The following ARSB variants were observed in gnomAD, a reference collection of about 807,000 sequenced individuals.
ARSB encodes arylsulfatase B.
Under a neutral mutation model 50.9 loss-of-function variants are expected in ARSB, and 41 were observed. That is an observed-to-expected ratio of 0.81 (90% confidence interval 0.63 to 1.04). ARSB has a LOEUF of 1.04. ARSB is among the 50% of genes least tolerant of loss of function. The probability of loss-of-function intolerance (pLI) is 0.00; values close to 1 mark genes in which losing one functional copy is unlikely to be tolerated. For missense variants in ARSB, 672 were observed against 693.3 expected (o/e 0.97, Z 0.35); for synonymous variants, 269 against 284.8 (o/e 0.94, Z 0.56).
At chr5:78,899,587 C>T (rs968010215) in intron 4 of ARSB, among the ~76,000 whole-genome samples, 3 of 152,112 alleles carry the variant, frequency 2.0e-5, no homozygotes, top group Non-Finnish European at 4.4e-5. Context: ...CTTTCCTCTG[C>T]TTGGCTCACT....
intron 4 of ARSB, among the ~76,000 whole-genome samples, chr5:78,909,872 TG>T: frequency 6.6e-6 from 1 of 152,244 alleles, no homozygotes; most frequent in South Asian, 2.1e-4. Context: ...TGCCTGCCCC[TG>T]GGAACTGAAT....
intron 5 of ARSB, among the ~76,000 whole-genome samples, chr5:78,857,358 T>A (rs961380786): frequency 6.6e-6 from 1 of 152,212 alleles, no homozygotes; most frequent in African/African-American, 2.4e-5. Flanking sequence ...CATATTGCAA[T>A]CTGTTATCTA....
chr5:78,876,410 T>C (rs1747485356), intron 5 of ARSB, among the ~76,000 whole-genome samples: 1 of 152,164 alleles, frequency 6.6e-6, no homozygotes, highest in Admixed American at 6.5e-5. Flanking sequence ...CCCTCTTGCC[T>C]AAAACAACCC....
chr5:78,787,349 C>G (rs990321214), intron 6 of ARSB, among the ~76,000 whole-genome samples: 5 of 151,700 alleles, frequency 3.3e-5, no homozygotes, highest in African/African-American at 1.2e-4. Context: ...TTTATTTTTT[C>G]CCAAGATTGC....
intron 2 of ARSB, among the ~76,000 whole-genome samples, chr5:78,967,064 C>G (rs546772275): frequency 6.6e-6 from 1 of 152,108 alleles, no homozygotes; most frequent in South Asian, 2.1e-4. Flanking sequence ...CATTACAGAG[C>G]CATGTGCTTC....
intron 5 of ARSB, among the ~76,000 whole-genome samples, chr5:78,869,652 G>A (rs1229548173): frequency 3.7e-4 from 56 of 151,582 alleles, no homozygotes; most frequent in South Asian, 1.3e-3. Flanking sequence ...TCTCTGGGAC[G>A]CATTCAAAGC....
chr5:78,863,633 G>T (rs146840780), intron 5 of ARSB, among the ~76,000 whole-genome samples: 68 of 151,930 alleles, frequency 4.5e-4, no homozygotes, highest in African/African-American at 1.5e-3. Context: ...GGTAGGGATG[G>T]CATTAAGAGA....
intron 4 of ARSB, among the ~76,000 whole-genome samples, chr5:78,914,455 G>T (rs1395021982): frequency 6.6e-6 from 1 of 152,094 alleles, no homozygotes; most frequent in Non-Finnish European, 1.5e-5. Flanking sequence ...AAAGAAGAAA[G>T]AAATGAACTA....
Position 78,905,344 on chromosome 5 carries a change from G to GTTTTTTTTTTTTTTTTTT in ARSB, c.899-19518_899-19517insAAAAAAAAAAAAAAAAAA, listed in dbSNP as rs60622885. Among the ~76,000 whole-genome samples, 52 of 130,536 alleles carry GTTTTTTTTTTTTTTTTTT rather than the reference G, an allele frequency of 4.0e-4. 1 individual carries two copies. Among genetic ancestry groups the GTTTTTTTTTTTTTTTTTT allele is most frequent in the East Asian group, 7.6e-4 (3 of 3,934 alleles). 85.6% of individuals were successfully genotyped at this position (130,536 alleles called of 152,430 possible). ...CCTTGAGTACTGCTCGTATTTTCCTGTTTTTTTTTTTTTGTATAATGAGTA... is the reference window on the plus strand; with the variant it reads ...CCTTGAGTACTGCTCGTATTTTCCTGTTTTTTTTTTTTTTTTTTTTTTTTTTTTTTTGTATAATGAGTA... On this transcript the variant is annotated intron_variant, in intron 4 of 7. Transcript: ENST00000264914.
intron 4 of ARSB, among the ~76,000 whole-genome samples, chr5:78,902,688 T>C (rs1748862064): frequency 6.6e-6 from 1 of 152,228 alleles, no homozygotes; most frequent in Non-Finnish European, 1.5e-5. Flanking sequence ...ATTGTATGAT[T>C]CCATTTTTAC....
intron 6 of ARSB, among the ~76,000 whole-genome samples, chr5:78,783,661 T>G (rs967981816): frequency 1.3e-5 from 2 of 152,168 alleles, no homozygotes; most frequent in Admixed American, 6.5e-5. Context: ...TGAACCCTCA[T>G]GGTTTACTCC....
At chr5:78,916,414 G>C (rs1278343140) in intron 4 of ARSB, among the ~76,000 whole-genome samples, 5 of 152,152 alleles carry the variant, frequency 3.3e-5, no homozygotes. Flanking sequence ...CAGATTTCAG[G>C]GTTAATGTGG....
chr5:78,834,228 C>T (rs339030), intron 6 of ARSB, among the ~76,000 whole-genome samples: 41,840 of 151,910 alleles, frequency 0.28, 6,473 homozygotes, highest in African/African-American at 0.42. Flanking sequence ...GGGAAAGTTA[C>T]GTTTTATTTA....
At chr5:78,937,325 T>TATATATATCATATATACGTAAG (rs1561512520) in intron 4 of ARSB, among the ~76,000 whole-genome samples, 737 of 57,968 alleles carry the variant, frequency 0.013, 61 homozygotes, top group Admixed American at 0.08. Flanking sequence ...ATATGTAAGA[T>TATATATATCATATATACGTAAG]ATATATATGT....
intron 4 of ARSB, among the ~76,000 whole-genome samples, chr5:78,919,905 G>A (rs562968348): frequency 2.0e-5 from 3 of 152,274 alleles, no homozygotes; most frequent in Admixed American, 2.0e-4. Context: ...AGGAATCAAG[G>A]GCTTTCCAAT....
intron 4 of ARSB, among the ~76,000 whole-genome samples, chr5:78,912,697 A>G (rs1749361454): frequency 6.6e-6 from 1 of 152,180 alleles, no homozygotes; most frequent in Admixed American, 6.5e-5. Context: ...GGCCCATGAG[A>G]AAGCATGTTT....
intron 1 of ARSB, among the ~76,000 whole-genome samples, chr5:78,977,543 C>G (rs149061891): frequency 1.3e-5 from 2 of 152,240 alleles, no homozygotes; most frequent in African/African-American, 2.4e-5. Flanking sequence ...TCCCAGAGTA[C>G]AGTGGCGTAA....
intron 6 of ARSB, among the ~76,000 whole-genome samples, chr5:78,798,228 G>T (rs1019578878): frequency 6.6e-6 from 1 of 152,140 alleles, no homozygotes; most frequent in Non-Finnish European, 1.5e-5. Flanking sequence ...AGTGACAACA[G>T]ACAGCCATCT....
chr5:78,835,025 T>C (rs1744889711), intron 6 of ARSB, among the ~76,000 whole-genome samples: 1 of 148,430 alleles, frequency 6.7e-6, no homozygotes, highest in Admixed American at 7.0e-5. Context: ...TTTTAAATTG[T>C]AGTCATCCTA....
Sources: allele counts gnomAD v4.1 joint callset (sites outside exome capture counted in the v4.1 genomes callset), GRCh38; gene constraint gnomAD v4.1.1; transcripts MANE v1.5; gene names NCBI Gene and HGNC (gene_info 2026-07-23, HGNC 2026-07-21).